SNX24: variants seen among roughly 807,000 people sequenced by gnomAD.
SNX24 encodes the protein sorting nexin-24.
Under a neutral mutation model 28.7 loss-of-function variants are expected in SNX24, and 22 were observed. The observed-to-expected ratio is 0.77, with a 90% confidence interval of 0.55 to 1.10. SNX24 has a LOEUF of 1.10. Ranked by LOEUF, SNX24 falls within the 50% of genes least tolerant of loss-of-function variation. SNX24 has a pLI of 0.00. For missense variants in SNX24, 221 were observed against 201.1 expected (o/e 1.10, Z -0.60); for synonymous variants, 69 against 71.5 (o/e 0.96, Z 0.18).
At chr5:122,922,470 C>A (rs1343734782) in intron 1 of SNX24, among the ~76,000 whole-genome samples, 1 of 151,884 alleles carries the variant, frequency 6.6e-6, no homozygotes, top group Non-Finnish European at 1.5e-5. Context: ...CCACGCTGGT[C>A]TCGAACTCCT....
intron 1 of SNX24, among the ~76,000 whole-genome samples, chr5:122,913,126 C>G (rs1443059624): frequency 6.6e-6 from 1 of 152,260 alleles, no homozygotes; most frequent in Non-Finnish European, 1.5e-5. Context: ...TCTACACAGA[C>G]ACAGCAACCA....
chr5:122,873,269 A>C (rs1756066042), intron 1 of SNX24, among the ~76,000 whole-genome samples: 2 of 152,126 alleles, frequency 1.3e-5, no homozygotes, highest in Admixed American at 6.5e-5. Flanking sequence ...GACCATACCC[A>C]GTCCAGAGTT....
At chr5:122,915,882 C>T (rs1353321343) in intron 1 of SNX24, among the ~76,000 whole-genome samples, 1 of 152,196 alleles carries the variant, frequency 6.6e-6, no homozygotes, top group Non-Finnish European at 1.5e-5. Flanking sequence ...TTTGTTTTGT[C>T]CTCATATCCA....
At chr5:122,923,111 G>A (rs1166607088) in intron 1 of SNX24, among the ~76,000 whole-genome samples, 2 of 151,986 alleles carry the variant, frequency 1.3e-5, no homozygotes, top group South Asian at 2.1e-4. Flanking sequence ...CAAGCAGATC[G>A]CTTGAAGCCA....
intron 1 of SNX24, among the ~76,000 whole-genome samples, chr5:122,871,901 C>A (rs952423068): frequency 3.3e-5 from 5 of 152,214 alleles, no homozygotes; most frequent in Admixed American, 3.3e-4. Context: ...AGTCAGGGAA[C>A]TTGTGCAAGT....
chr5:122,992,400 T>C (rs936755975), intron 3 of SNX24, among the ~76,000 whole-genome samples: 1 of 152,146 alleles, frequency 6.6e-6, no homozygotes, highest in Non-Finnish European at 1.5e-5. Context: ...CTTCACATGA[T>C]CCAGAAGCCC....
chr5:122,993,178 T>G (rs1761924494), intron 3 of SNX24, among the ~76,000 whole-genome samples: 1 of 152,054 alleles, frequency 6.6e-6, no homozygotes, highest in African/African-American at 2.4e-5. Context: ...GCTAGACACA[T>G]CTTGCAAATG....
chr5:122,903,125 G>T (rs39817), intron 1 of SNX24, among the ~76,000 whole-genome samples: 108,769 of 151,268 alleles, frequency 0.72, 39,777 homozygotes, highest in East Asian at 0.98. Flanking sequence ...GTTTTTTTTT[G>T]ATACAGCGTC....
chr5:122,956,534 G>T (rs1760225600), intron 3 of SNX24, among the ~76,000 whole-genome samples: 1 of 152,088 alleles, frequency 6.6e-6, no homozygotes, highest in African/African-American at 2.4e-5. Context: ...TCCTGCTTTT[G>T]ATTCTTTAAG....
At chr5:122,994,978 T>G (rs1210355136) in intron 3 of SNX24, among the ~76,000 whole-genome samples, 2 of 152,244 alleles carry the variant, frequency 1.3e-5, no homozygotes, top group African/African-American at 4.8e-5. Flanking sequence ...TTCTTTCATT[T>G]AACCCCATTT....
intron 3 of SNX24, among the ~76,000 whole-genome samples, chr5:122,971,648 A>T (rs1760962627): frequency 6.6e-6 from 1 of 152,252 alleles, no homozygotes; most frequent in Non-Finnish European, 1.5e-5. Flanking sequence ...AAATCCATTT[A>T]TCTTATATCA....
At chr5:122,912,378 A>G (rs909264750) in intron 1 of SNX24, among the ~76,000 whole-genome samples, 8 of 151,708 alleles carry the variant, frequency 5.3e-5, no homozygotes, top group Non-Finnish European at 8.8e-5. Context: ...GGGCTGAGAC[A>G]ATGGGGTTTT....
At chr5:122,848,377 C>T (rs564839026) in intron 1 of SNX24, among the ~76,000 whole-genome samples, 3 of 151,078 alleles carry the variant, frequency 2.0e-5, no homozygotes, top group Admixed American at 1.3e-4. Flanking sequence ...ATTATAGGCG[C>T]GGGCCACTGA....
intron 1 of SNX24, among the ~76,000 whole-genome samples, chr5:122,929,490 C>T (rs777894312): frequency 1.4e-4 from 21 of 151,976 alleles, no homozygotes; most frequent in Non-Finnish European, 2.6e-4. Flanking sequence ...GTCTGTACTG[C>T]TCAGTGTGAA....
At chr5:122,881,090 A>C (rs1307576076) in intron 1 of SNX24, among the ~76,000 whole-genome samples, 2 of 152,190 alleles carry the variant, frequency 1.3e-5, no homozygotes, top group African/African-American at 2.4e-5. Context: ...CTCAGGATGC[A>C]GCTGGTTTGG....
At chr5:122,862,455 A>G (rs1435313338) in intron 1 of SNX24, among the ~76,000 whole-genome samples, 1 of 151,952 alleles carries the variant, frequency 6.6e-6, no homozygotes, top group Non-Finnish European at 1.5e-5. Context: ...CTCTCCGAAA[A>G]AAAAGTACGT....
chr5:122,997,490 T>C (rs553910366), intron 3 of SNX24, among the ~76,000 whole-genome samples: 7 of 152,314 alleles, frequency 4.6e-5, no homozygotes, highest in African/African-American at 1.4e-4. Flanking sequence ...TGTGTTGCAG[T>C]GTAAATAGCT....
intron 1 of SNX24, among the ~76,000 whole-genome samples, chr5:122,911,460 G>T (rs1757884625): frequency 6.6e-6 from 1 of 151,770 alleles, no homozygotes; most frequent in South Asian, 2.1e-4. Flanking sequence ...CTGTGCAGAA[G>T]CTCTTTAGTT....
At chr5:122,870,397 A>C (rs1581689163) in intron 1 of SNX24, among the ~76,000 whole-genome samples, 1 of 152,166 alleles carries the variant, frequency 6.6e-6, no homozygotes, top group Non-Finnish European at 1.5e-5. Flanking sequence ...AAAGACCTCA[A>C]CCCTGCCCAC....
Sources: gnomAD v4.1 joint callset for allele counts (sites outside exome capture counted in the v4.1 genomes callset) on GRCh38, gnomAD v4.1.1 for gene constraint, MANE v1.5 for transcripts, NCBI Gene and HGNC (gene_info 2026-07-23, HGNC 2026-07-21) for gene names.